Variants in ADGRB1 observed in about 807,000 individuals in gnomAD.
The protein encoded by ADGRB1 is brain-specific angiogenesis inhibitor 1.
A neutral mutation model predicts 175.7 loss-of-function variants in ADGRB1; 36 were observed. That is an observed-to-expected ratio of 0.20 (90% confidence interval 0.16 to 0.27). The LOEUF is 0.27. ADGRB1 is among the 10% of genes least tolerant of loss of function. The pLI, the probability that ADGRB1 is intolerant of heterozygous loss-of-function variation, is 1.00. For missense variants in ADGRB1, 1,731 were observed against 2,255.3 expected (o/e 0.77, Z 4.71); for synonymous variants, 1,054 against 979.4 (o/e 1.08, Z -1.42).
At chr8:142,462,801 G>T (rs556149347) in intron 1 of ADGRB1, among the ~76,000 whole-genome samples, 1 of 152,360 alleles carries the variant, frequency 6.6e-6, no homozygotes, top group South Asian at 2.1e-4. Flanking sequence ...TGGGATGGAC[G>T]GCCTGGCCAG....
rs182955020 is a variant in ADGRB1 at position 142,467,476 on chromosome 8, C to T, written c.784+2494C>T. 3.4e-3 allele frequency among the ~76,000 whole-genome samples: 517 copies of T among 152,258 alleles called. 3 individuals are homozygous for T. The highest frequency in any genetic ancestry group is 0.011 in the African/African-American group (462 of 41,538). On this transcript the variant is annotated intron_variant, in intron 2 of 30. Coordinates refer to ENST00000517894, the MANE Select transcript of ADGRB1 (RefSeq NM_001702.3). ...GGCAGGGAACCCCTCCCAGGTGTCCCGCCAGAAATGAGGATGTCAGCTGAG... is the reference window on the plus strand; with the variant it reads ...GGCAGGGAACCCCTCCCAGGTGTCCTGCCAGAAATGAGGATGTCAGCTGAG...
chr8:142,539,650 G>T, intron 27 of ADGRB1: 1 of 593,918 alleles, frequency 1.7e-6, no homozygotes, highest in Non-Finnish European at 3.0e-6. Context: ...ATGATCAGAA[G>T]CTTCCAGAAC....
Position 142,526,568 on chromosome 8 carries a change from G to T in ADGRB1, c.3339G>T (p.Val1113=), listed in dbSNP as rs778050017. ...TGAACATGGTCATTGGGATCCTGGTGTTCAACAAGCTCGTGTCCAAAGACG... is the reference window on the plus strand; with the variant it reads ...TGAACATGGTCATTGGGATCCTGGTTTTCAACAAGCTCGTGTCCAAAGACG... The part of the protein sequence containing the change: ...VLVNMVIGIL[V]FNKLVSKDGI... Residue 1113 remains valine, a synonymous_variant, in exon 24 of 31, where the codon GTG becomes GTT. Transcript: ENST00000517894. The T allele has an allele frequency of 1.9e-6, 3 of 1,610,742 alleles. No individual in the cohort carries two copies. The South Asian group carries it at 3.3e-5, about 18-fold the overall frequency.
intron 17 of ADGRB1, among the ~76,000 whole-genome samples, chr8:142,499,407 G>A (rs1842377897): frequency 6.6e-6 from 1 of 152,254 alleles, no homozygotes; most frequent in South Asian, 2.1e-4. Flanking sequence ...ATGGCAGGCA[G>A]CCGCTCAAAA....
At chr8:142,507,015 G>A (rs1842882268) in intron 17 of ADGRB1, among the ~76,000 whole-genome samples, 1 of 152,216 alleles carries the variant, frequency 6.6e-6, no homozygotes, top group Non-Finnish European at 1.5e-5. Flanking sequence ...GGTGGGAGGG[G>A]GCAGGCAGCC....
chr8:142,485,330 T>G (rs556779650), intron 13 of ADGRB1, among the ~76,000 whole-genome samples: 1 of 152,330 alleles, frequency 6.6e-6, no homozygotes, highest in East Asian at 1.9e-4. Context: ...GTTACTACAG[T>G]GCCCTCAAAT....
chr8:142,510,936 T>A lies in ADGRB1; in HGVS notation c.2680T>A (p.Ser894Thr). ...CCGTGTCCCGCCCGCCCCCAGACCC[T>A]CCTCCTCCGCCCCCCCGCAGCTCGG... ...CILWDETDVPSSSAPPQLGPW... is the reference protein window; with the variant it reads ...CILWDETDVPTSSAPPQLGPW... The change falls in exon 18 of 31, where the codon TCC becomes ACC. Residue 894 changes from serine to threonine, a missense_variant. Ser to Thr is a moderately conservative substitution (Grantham distance 58). Coordinates refer to ENST00000517894, the MANE Select transcript of ADGRB1 (RefSeq NM_001702.3). The surrounding 1 kb of genome is among the most constrained non-coding windows in gnomAD (Gnocchi z 6.3). The A allele has an allele frequency of 1.6e-6, 1 of 621,198 alleles. No homozygotes were observed. Among genetic ancestry groups the A allele is most frequent in the Non-Finnish European group, 2.2e-6 (1 of 451,764 alleles). The allele number at this position is 621,198 out of a possible 1,614,324, so 38.5% of individuals were successfully genotyped here. A position where few individuals can be genotyped will look rare whatever the true frequency, so the allele number is the denominator to read the frequency against.
Position 142,464,469 on chromosome 8 carries a change from G to A in ADGRB1, c.271G>A (p.Val91Met). The change falls in exon 2 of 31, where the codon GTG becomes ATG. Residue 91 changes from valine to methionine, a missense_variant. By Grantham distance (21) the Val-to-Met change is conservative. This residue lies in a region of ADGRB1 where 383 missense variants were observed against 383.1 expected (regional missense o/e 1.00). Coordinates refer to ENST00000517894, the MANE Select transcript of ADGRB1 (RefSeq NM_001702.3). ...TLYMKVAKAP[V>M]PCSGPGRVRT... ...CTACATGAAGGTGGCCAAGGCGCCC[G>A]TGCCCTGCAGCGGCCCCGGCCGCGT... 6.3e-7 allele frequency: 1 copy of A among 1,580,328 alleles called. No individual in the cohort carries two copies. The highest frequency in any genetic ancestry group is 8.6e-7 in the Non-Finnish European group (1 of 1,167,912).
intron 17 of ADGRB1, among the ~76,000 whole-genome samples, chr8:142,505,281 G>C (rs920204272): frequency 1.4e-4 from 21 of 152,218 alleles, no homozygotes; most frequent in African/African-American, 5.1e-4. Context: ...TCGTCTAGGC[G>C]CTTGCCGGGG....
At position 142,518,983 on chromosome 8, in the gene ADGRB1, G is replaced by A. The variant is rs1009306458; in HGVS notation, c.2921+742G>A. On this transcript the variant is annotated intron_variant, in intron 19 of 30. Coordinates refer to ENST00000517894, the MANE Select transcript of ADGRB1 (RefSeq NM_001702.3). ...TGTCTGCTGCCCAAGGTCGGGCATC[G>A]GGAGGTCAATGTGGCTGGTGGGGGA... is the stretch of plus-strand genomic sequence containing the variant. Among the ~76,000 whole-genome samples, 5 of 152,178 alleles carry A rather than the reference G, an allele frequency of 3.3e-5. No homozygotes were observed. In the South Asian group the frequency reaches 1.0e-3, roughly 32 times the overall value.
chr8:142,475,299 G>C (rs921756735), intron 2 of ADGRB1, among the ~76,000 whole-genome samples, 175 bp from the exon 3 acceptor site: 2 of 152,204 alleles, frequency 1.3e-5, no homozygotes, highest in East Asian at 3.9e-4. Flanking sequence ...TCCAGAGGGG[G>C]CCCGGGAGCT....
In ADGRB1 at chr8:142,510,960, G is replaced by A; in HGVS notation, c.2704G>A (p.Gly902Arg). ...VPSSSAPPQL[G>R]PWSWRGCRTV... is the part of the protein sequence containing the mutation. ...CTCCTCCTCCGCCCCCCCGCAGCTC[G>A]GGCCCTGGTCGTGGCGCGGCTGCCG... Residue 902 changes from glycine to arginine, a missense_variant, in exon 18 of 31, where the codon GGG (glycine) becomes AGG (arginine). Physicochemically the swap from Gly to Arg is moderately radical, Grantham distance 125. This residue lies in a region of ADGRB1 where 77 missense variants were observed against 71.6 expected (regional missense o/e 1.08). Coordinates refer to ENST00000517894, the MANE Select transcript of ADGRB1 (RefSeq NM_001702.3). The surrounding 1 kb of genome is among the most constrained non-coding windows in gnomAD (Gnocchi z 6.3). 2 of 1,249,366 alleles carry A rather than the reference G, an allele frequency of 1.6e-6. No individual in the cohort carries two copies. The highest frequency in any genetic ancestry group is 2.0e-6 in the Non-Finnish European group (2 of 976,558). 77.4% of individuals were successfully genotyped at this position (1,249,366 alleles called of 1,614,324 possible).
intron 9 of ADGRB1, among the ~76,000 whole-genome samples, chr8:142,480,001 C>T (rs1229607639): frequency 6.6e-6 from 1 of 152,236 alleles, no homozygotes; most frequent in African/African-American, 2.4e-5. Context: ...TCGCTAGGGG[C>T]TGGCACCCAT....
intron 1 of ADGRB1, among the ~76,000 whole-genome samples, chr8:142,454,216 A>G (rs761662896): frequency 1.9e-4 from 29 of 152,286 alleles, no homozygotes; most frequent in Middle Eastern, 3.4e-3. Context: ...GCACTGCACA[A>G]GACGCAGGCC....
intron 17 of ADGRB1, among the ~76,000 whole-genome samples, chr8:142,506,092 G>A (rs1407624450): frequency 6.6e-6 from 1 of 152,256 alleles, no homozygotes; most frequent in Non-Finnish European, 1.5e-5. Context: ...TGAGCAGCGT[G>A]CTGACTGAGC....
At chr8:142,508,562 G>C (rs1392479897) in intron 17 of ADGRB1, among the ~76,000 whole-genome samples, 1 of 152,230 alleles carries the variant, frequency 6.6e-6, no homozygotes, top group Non-Finnish European at 1.5e-5. Flanking sequence ...GAGGGTGGAA[G>C]GGTCTCTCTG....
chr8:142,508,627 G>A (rs1337154602), intron 17 of ADGRB1, among the ~76,000 whole-genome samples: 1 of 152,226 alleles, frequency 6.6e-6, no homozygotes, highest in East Asian at 1.9e-4. Context: ...AACAGCCTGG[G>A]TCCCTGGCCG....
intron 17 of ADGRB1, among the ~76,000 whole-genome samples, chr8:142,499,908 A>G (rs1842407307): frequency 1.4e-5 from 1 of 72,630 alleles, no homozygotes; most frequent in Admixed American, 1.5e-4. Flanking sequence ...ATGGGGTCAC[A>G]GCAGGCTTAT....
intron 18 of ADGRB1, among the ~76,000 whole-genome samples, chr8:142,513,618 G>T (rs1427081787): frequency 6.6e-6 from 1 of 152,192 alleles, no homozygotes; most frequent in Non-Finnish European, 1.5e-5. Context: ...GAGGTCTGCA[G>T]CCGCCCAGGT....
Sources: gnomAD v4.1 joint callset for allele counts (sites outside exome capture counted in the v4.1 genomes callset) on GRCh38, gnomAD v4.1.1 for gene constraint, gnomAD v4.1.1 regional missense constraint, Gnocchi (gnomAD v3.1) non-coding constraint, MANE v1.5 for transcripts, NCBI Gene and HGNC (gene_info 2026-07-23, HGNC 2026-07-21) for gene names.